Variants in IL13RA2 observed in about 807,000 individuals in gnomAD.
IL13RA2 encodes the protein interleukin 13 receptor subunit alpha 2.
Under a neutral mutation model 34.1 loss-of-function variants are expected in IL13RA2, and 25 were observed. The ratio of observed to expected loss-of-function variants is 0.73; its 90% CI spans 0.53 to 1.03. The LOEUF (loss-of-function observed/expected upper bound fraction) is 1.03, where lower values mean the gene tolerates loss of function less well. Ranked by LOEUF, IL13RA2 falls within the 50% of genes least tolerant of loss-of-function variation. IL13RA2 has a pLI of 0.00. For synonymous variants in IL13RA2, 106 were observed against 100.4 expected (o/e 1.06, Z -0.33); for missense variants, 297 against 280.9 (o/e 1.06, Z -0.41).
Position 115,014,539 on chromosome X carries a change from C to T in IL13RA2, c.282G>A (p.Gly94=). ...CTTCAATGCCCTTGTTAAGATCAAA[C>T]CCATCTTTGTAATGTAGATTCTTAG... ...IITKNLHYKD[G]FDLNKGIEAK... is the part of the protein sequence containing the mutation. The change falls in exon 4 of 10, where the codon GGG becomes GGA. Residue 94 remains glycine, a synonymous_variant. Coordinates refer to ENST00000243213, the MANE Select transcript of IL13RA2 (RefSeq NM_000640.3). 2 of 1,187,995 alleles carry T rather than the reference C, an allele frequency of 1.7e-6. No individual in the cohort carries two copies. The highest frequency in any genetic ancestry group is 2.3e-6 in the Non-Finnish European group (2 of 877,952).
chrX:115,004,651 C>T (rs1427203771), intron 9 of IL13RA2, among the ~76,000 whole-genome samples: 1 of 110,376 alleles, frequency 9.1e-6, no homozygotes, highest in Non-Finnish European at 1.9e-5. Context: ...TTAAAGCCCC[C>T]CAACCCAGAG....
intron 6 of IL13RA2, 128 bp downstream of exon 6, chrX:115,010,516 T>C (rs782689385): frequency 2.6e-6 from 1 of 381,448 alleles, no homozygotes; most frequent in Non-Finnish European, 4.6e-6. Flanking sequence ...TCCATAGGTC[T>C]CTGTCTCTCT....
chrX:115,012,083 G>A (rs2071707817), intron 5 of IL13RA2, among the ~76,000 whole-genome samples: 1 of 111,953 alleles, frequency 8.9e-6, no homozygotes, highest in Admixed American at 9.5e-5. Context: ...GCTAGAGCAG[G>A]GATTAGAACC....
rs782566544 is a variant in IL13RA2, at chrX:115,009,645, T to C, written c.728A>G (p.Tyr243Cys). The change falls in exon 7 of 10, where the codon TAT becomes TGT. Residue 243 changes from tyrosine (Y) to cysteine (C), a missense_variant. By Grantham distance (194) the Tyr-to-Cys change is radical (BLOSUM62 -2). Coordinates refer to ENST00000243213, the MANE Select transcript of IL13RA2 (RefSeq NM_000640.3). ...TGAACTCTCCCGAGTAAAAGTAAGA[T>C]AGACTGGCGGCAAAGGTTTAACTGA... The part of the protein sequence containing the change: ...QNIVKPLPPV[Y>C]LTFTRESSCE... 8.3e-7 allele frequency: 1 copy of C among 1,206,975 alleles called. No individual in the cohort carries two copies. The highest frequency in any genetic ancestry group is 1.8e-5 in the African/African-American group (1 of 57,112).
In IL13RA2 at chrX:115,007,918, C is replaced by G; in HGVS notation, c.997+14G>C. 1 of 1,040,286 alleles carries G rather than the reference C, an allele frequency of 9.6e-7. No individual in the cohort carries two copies. The highest frequency in any genetic ancestry group is 1.3e-6 in the Non-Finnish European group (1 of 751,158). The allele number at this position is 1,040,286 out of a possible 1,213,427, so 85.7% of individuals were successfully genotyped here. ...AAGAGCTCATTATTTAGTTACTGTC[C>G]TTTTAGCTCATACCTTCCCAGCATT... On this transcript the variant is annotated intron_variant, in intron 8 of 9. Transcript: ENST00000243213.
chrX:115,010,893 A>C, intron 5 of IL13RA2, 65 bp from the exon 6 acceptor site: 1 of 481,239 alleles, frequency 2.1e-6, no homozygotes, highest in Non-Finnish European at 3.4e-6. Flanking sequence ...AAGGCACTTC[A>C]TTTTCAATTA....
chrX:115,012,150 A>G (rs187052802), intron 5 of IL13RA2, among the ~76,000 whole-genome samples: 183 of 112,335 alleles, frequency 1.6e-3, no homozygotes, highest in Non-Finnish European at 2.6e-3. Context: ...ATTATTTTCT[A>G]AAGAAAGATG....
In IL13RA2 at chrX:115,007,929, T is replaced by A. The variant is rs2147585062; in HGVS notation, c.997+3A>T. On this transcript the variant is annotated splice_donor_region_variant and intron_variant, in intron 8 of 9. Transcript: ENST00000243213. ...ATTTAGTTACTGTCCTTTTAGCTCA[T>A]ACCTTCCCAGCATTGTTTATCACTC... 9.2e-7 allele frequency: 1 copy of A among 1,085,119 alleles called. No individual in the cohort carries two copies. The highest frequency in any genetic ancestry group is 2.3e-5 in the Admixed American group (1 of 42,875). 89.4% of individuals were successfully genotyped at this position (1,085,119 alleles called of 1,213,427 possible). A position where few individuals can be genotyped will look rare whatever the true frequency, so the allele number is the denominator to read the frequency against.
chrX:115,014,831 AC>A (rs1556509469), intron 3 of IL13RA2, among the ~76,000 whole-genome samples: 1 of 109,505 alleles, frequency 9.1e-6, no homozygotes, highest in Non-Finnish European at 1.9e-5. Flanking sequence ...GGGAAAAAAA[AC>A]TTTATGGCAG....
chrX:115,016,773 T>C (rs1261518547), intron 2 of IL13RA2, among the ~76,000 whole-genome samples: 1 of 108,106 alleles, frequency 9.3e-6, no homozygotes, highest in Non-Finnish European at 1.9e-5. Flanking sequence ...AAATTTTACG[T>C]TAAATTTCTG....
chrX:115,014,200 T>C (rs889338942), intron 4 of IL13RA2, among the ~76,000 whole-genome samples: 20 of 111,663 alleles, frequency 1.8e-4, no homozygotes, highest in African/African-American at 6.5e-4. Flanking sequence ...ACCCCAAAAC[T>C]GGGAACTAAA....
At chrX:115,006,220 C>A (rs1273138811) in intron 8 of IL13RA2, among the ~76,000 whole-genome samples, 1 of 112,229 alleles carries the variant, frequency 8.9e-6, no homozygotes, top group Non-Finnish European at 1.9e-5. Flanking sequence ...TGAAGTTCTA[C>A]TGGCTTTCCC....
intron 7 of IL13RA2, 122 bp downstream of exon 7, chrX:115,009,399 G>A (rs782035602): frequency 8.4e-5 from 41 of 490,629 alleles, no homozygotes; most frequent in Non-Finnish European, 1.4e-4. Flanking sequence ...TCTGGAAATT[G>A]AACTAAGATA....
At chrX:115,013,714 G>A (rs2071715303) in intron 5 of IL13RA2, 55 bp downstream of exon 5, 5 of 647,554 alleles carry the variant, frequency 7.7e-6, no homozygotes, top group East Asian at 3.4e-5. Context: ...TCATACTATC[G>A]ACTAACTTGA....
Position 115,014,508 on chromosome X carries a change from T to A in IL13RA2, c.313A>T (p.Ile105Leu). Residue 105 changes from isoleucine to leucine, a missense_variant, in exon 4 of 10, where the codon ATA (isoleucine) becomes TTA (leucine). Ile to Leu is a conservative substitution (Grantham distance 5). Coordinates refer to ENST00000243213, the MANE Select transcript of IL13RA2 (RefSeq NM_000640.3). ...FDLNKGIEAK[I>L]HTLLPWQCTN... The stretch of plus-strand genomic sequence containing the variant: ...CATTGCCATGGTAAAAGCGTGTGTA[T>A]CTTCGCTTCAATGCCCTTGTTAAGA... The A allele has an allele frequency of 8.4e-7, 1 of 1,191,269 alleles. No homozygotes were observed.
chrX:115,004,931 C>T (rs41300273), intron 9 of IL13RA2, among the ~76,000 whole-genome samples: 1,202 of 112,127 alleles, frequency 0.011, 10 homozygotes, highest in Middle Eastern at 0.032. Flanking sequence ...TTTCCGTATA[C>T]CATTCTCTAA....
intron 2 of IL13RA2, among the ~76,000 whole-genome samples, chrX:115,016,591 ATAAC>A (rs1406594573): frequency 9.3e-6 from 1 of 107,028 alleles, no homozygotes; most frequent in East Asian, 2.8e-4. Flanking sequence ...ATAACAAATA[ATAAC>A]TAACATATCA....
Position 115,010,633 on chromosome X carries a change from GT to G in IL13RA2, c.706+10del. On this transcript the variant is annotated intron_variant, in intron 6 of 9. Coordinates refer to ENST00000243213, the MANE Select transcript of IL13RA2 (RefSeq NM_000640.3). ...ACAATGAATTTGAAGTTGTTTGTTG[GT>G]TTACATCACCTATATTTTGAAGCTG... is the stretch of plus-strand genomic sequence containing the variant. 1 of 764,168 alleles carries G rather than the reference GT, an allele frequency of 1.3e-6. No individual in the cohort carries two copies. The highest frequency in any genetic ancestry group is 1.9e-6 in the Non-Finnish European group (1 of 529,104). The allele number at this position is 764,168 out of a possible 1,213,427, so 63.0% of individuals were successfully genotyped here.
chrX:115,012,000 A>C (rs6644157), intron 5 of IL13RA2, among the ~76,000 whole-genome samples: 4 of 112,174 alleles, frequency 3.6e-5, no homozygotes, highest in African/African-American at 9.7e-5. Flanking sequence ...AAATTTACCT[A>C]TCCAATTCCA....
Sources: gnomAD v4.1 joint callset for allele counts (sites outside exome capture counted in the v4.1 genomes callset) on GRCh38, gnomAD v4.1.1 for gene constraint, MANE v1.5 for transcripts, NCBI Gene and HGNC (gene_info 2026-07-23, HGNC 2026-07-21) for gene names.